SCN3A: variants seen among roughly 807,000 people sequenced by gnomAD.
The protein encoded by SCN3A is sodium channel protein type 3 subunit alpha.
In SCN3A, 60 loss-of-function variants were observed where a neutral mutation model predicts 187.6. That is an observed-to-expected ratio of 0.32 (90% CI 0.26 to 0.40). SCN3A has a LOEUF of 0.40. Among genes scored for constraint, SCN3A ranks in the 10% least tolerant of loss-of-function variants. SCN3A has a pLI of 1.00. For synonymous variants in SCN3A, 788 were observed against 829.2 expected (o/e 0.95, Z 0.85); for missense variants, 1,601 against 2,428.2 (o/e 0.66, Z 7.16).
chr2:165,195,158 C>T lies in SCN3A; in HGVS notation c.-247-8411G>A, dbSNP rs191077938. On this transcript the variant is annotated intron_variant, in intron 1 of 27. Transcript: ENST00000283254. ...TAGCAACCAAACTGCTGAAGACTGG[C>T]GTGGTCTGTCTGTCTTCACCCTCCA... The T allele has an allele frequency of 9.2e-5, 14 of 152,236 alleles. No individual in the cohort carries two copies. In the South Asian group the frequency reaches 2.1e-3, roughly 23 times the overall value. The allele number at this position is 152,236 out of a possible 1,614,324, so 9.4% of individuals were successfully genotyped here. A position where few individuals can be genotyped will look rare whatever the true frequency, so the allele number is the denominator to read the frequency against.
chr2:165,174,814 A>G (rs4145346), intron 3 of SCN3A, among the ~76,000 whole-genome samples: 36,789 of 152,100 alleles, frequency 0.24, 5,493 homozygotes, highest in East Asian at 0.52. Flanking sequence ...ACATGAATGT[A>G]TTAAATGTCA....
intron 4 of SCN3A, among the ~76,000 whole-genome samples, chr2:165,170,178 C>T (rs947678415): frequency 6.6e-6 from 1 of 151,880 alleles, no homozygotes; most frequent in Non-Finnish European, 1.5e-5. Context: ...GAGATTTGCT[C>T]TTTTTCCTAC....
At chr2:165,191,255 C>T (rs1297136887) in intron 1 of SCN3A, among the ~76,000 whole-genome samples, 1 of 152,006 alleles carries the variant, frequency 6.6e-6, no homozygotes, top group Non-Finnish European at 1.5e-5. Context: ...CCTGCAATTG[C>T]TTTCAGTCTC....
At chr2:165,100,839 A>G (rs1193436777) in intron 21 of SCN3A, among the ~76,000 whole-genome samples, 2 of 152,188 alleles carry the variant, frequency 1.3e-5, no homozygotes, top group South Asian at 2.1e-4. Flanking sequence ...AGCATTCACC[A>G]TGTAATAGCG....
chr2:165,170,432 A>G lies in SCN3A; in HGVS notation c.381T>C (p.His127=). 1 of 1,540,622 alleles carries G rather than the reference A, an allele frequency of 6.5e-7. No homozygotes were observed. The highest frequency in any genetic ancestry group is 9.0e-7 in the Non-Finnish European group (1 of 1,113,778). Residue 127 remains histidine, a splice_region_variant and synonymous_variant, in exon 4 of 28, where the codon CAT becomes CAC. Transcript: ENST00000283254. ...GGCAATTCACATTAAAAGGATATGAATGTACCAAAATCTTGATAGCAATTT... is the reference window on the plus strand; with the variant it reads ...GGCAATTCACATTAAAAGGATATGAGTGTACCAAAATCTTGATAGCAATTT... The part of the protein sequence containing the change: ...VRKIAIKILV[H]SLFSMLIMCT...
chr2:165,114,239 A>G (rs1008621992), intron 19 of SCN3A, among the ~76,000 whole-genome samples: 3 of 152,158 alleles, frequency 2.0e-5, no homozygotes, highest in African/African-American at 7.2e-5. Flanking sequence ...AGTCAGGATT[A>G]TTTTGCCTCA....
Position 165,200,843 on chromosome 2 carries a change from C to A in SCN3A, c.-248+2980G>T, listed in dbSNP as rs200545609. ...AGCACGAAGCTACACTTAGAAACAA[C>A]CTTTGGAGGAAAGCAGGGATTTTGC... is the stretch of plus-strand genomic sequence containing the variant. On this transcript the variant is annotated intron_variant, in intron 1 of 27. Coordinates refer to ENST00000283254, the MANE Select transcript of SCN3A (RefSeq NM_006922.4). Among the ~76,000 whole-genome samples, 569 of 152,176 alleles carry A rather than the reference C, an allele frequency of 3.7e-3. 2 individuals carry two copies. The highest frequency in any genetic ancestry group is 0.013 in the African/African-American group (542 of 41,536).
intron 1 of SCN3A, among the ~76,000 whole-genome samples, chr2:165,198,590 A>G (rs1559287792): frequency 6.6e-6 from 1 of 152,050 alleles, no homozygotes; most frequent in Admixed American, 6.6e-5. Flanking sequence ...CAGGGAAGTC[A>G]TTTGATGTAA....
intron 11 of SCN3A, among the ~76,000 whole-genome samples, chr2:165,150,664 A>G (rs1035552029): frequency 6.6e-6 from 1 of 152,162 alleles, no homozygotes; most frequent in African/African-American, 2.4e-5. Flanking sequence ...TTAAACTTCT[A>G]CTAGAAATAG....
chr2:165,154,542 C>T lies in SCN3A; in HGVS notation c.1290G>A (p.Gln430=). The T allele has an allele frequency of 6.2e-7, 1 of 1,614,130 alleles. No individual in the cohort carries two copies. Among genetic ancestry groups the T allele is most frequent in the Non-Finnish European group, 8.5e-7 (1 of 1,180,032 alleles). ...LAVVAMAYEE[Q]NQATLEEAEQ... ...CTGCTTCTTCCAAGGTGGCCTGATT[C>T]TGCTCCTCATAGGCCATGGCCACCA... Residue 430 remains glutamine (Q), a synonymous_variant, in exon 11 of 28, where the codon CAG becomes CAA. Transcript: ENST00000283254.
At position 165,182,145 on chromosome 2, in the gene SCN3A, G is replaced by C. The variant is rs1690917865; in HGVS notation, c.-51+4406C>G. 2.0e-5 allele frequency among the ~76,000 whole-genome samples: 3 copies of C among 152,286 alleles called. No homozygotes were observed. The South Asian group carries it at 6.2e-4, about 32-fold the overall frequency. ...TTGGTATTATTACGAAAGTAGTTTA[G>C]AGCTCAAAGCTCCCACACAAAGGGC... On this transcript the variant is annotated intron_variant, in intron 2 of 27. Coordinates refer to ENST00000283254, the MANE Select transcript of SCN3A (RefSeq NM_006922.4).
intron 12 of SCN3A, among the ~76,000 whole-genome samples, chr2:165,142,166 A>G (rs1688048286): frequency 6.6e-6 from 1 of 152,176 alleles, no homozygotes; most frequent in South Asian, 2.1e-4. Flanking sequence ...ATATACATAC[A>G]TACATATACA....
chr2:165,189,157 A>G (rs1422838592), intron 1 of SCN3A, among the ~76,000 whole-genome samples: 2 of 152,230 alleles, frequency 1.3e-5, no homozygotes, highest in African/African-American at 4.8e-5. Context: ...TAAAAGTTGT[A>G]TATAAAAAGC....
At position 165,151,816 on chromosome 2, in the gene SCN3A, C is replaced by T. The variant is rs546854714; in HGVS notation, c.1380+2636G>A. ...TTCACCAAGCATGTGTCTTAGAAAA[C>T]TACCTGAGGCTGAGGATAAGAGAGA... On this transcript the variant is annotated intron_variant, in intron 11 of 27. Transcript: ENST00000283254. 2.6e-5 allele frequency among the ~76,000 whole-genome samples: 4 copies of T among 152,262 alleles called. No homozygotes were observed. In the South Asian group the frequency reaches 6.2e-4, roughly 24 times the overall value.
chr2:165,191,852 C>T (rs559863759), intron 1 of SCN3A, among the ~76,000 whole-genome samples: 9 of 152,178 alleles, frequency 5.9e-5, no homozygotes, highest in African/African-American at 1.7e-4. Flanking sequence ...GAACAGTACA[C>T]GCACATAGTA....
chr2:165,090,852 G>A lies in SCN3A; in HGVS notation c.5301C>T (p.Ile1767=), dbSNP rs138863451. 73 of 1,614,026 alleles carry A rather than the reference G, an allele frequency of 4.5e-5. No homozygotes were observed. The South Asian group carries it at 5.7e-4, about 13-fold the overall frequency. Residue 1767 remains isoleucine, a synonymous_variant, in exon 28 of 28, where the codon ATC becomes ATT. Transcript: ENST00000283254. This position sits in a 1 kb window ranked among gnomAD's most constrained non-coding sequence, Gnocchi z 4.0. ...ISFLVVVNMY[I]AVILENFSVA... ...CACTGAAGTTCTCCAGGATGACCGCGATGTACATGTTCACCACAACCAGGA... is the reference window on the plus strand; with the variant it reads ...CACTGAAGTTCTCCAGGATGACCGCAATGTACATGTTCACCACAACCAGGA...
At position 165,162,549 on chromosome 2, in the gene SCN3A, T is replaced by G; in HGVS notation, c.967+7A>C. ...CACTAAGGTTAACATAATGTAATAC[T>G]TCTTACTGTCATCTCCAATGTAATC... On this transcript the variant is annotated splice_region_variant and intron_variant, in intron 8 of 27. Transcript: ENST00000283254. 6.2e-7 allele frequency: 1 copy of G among 1,614,046 alleles called. No individual in the cohort carries two copies. Among genetic ancestry groups the G allele is most frequent in the African/African-American group, 1.3e-5 (1 of 75,048 alleles).
Position 165,176,462 on chromosome 2 carries a change from T to C in SCN3A, c.-50-18A>G. The C allele has an allele frequency of 6.2e-7, 1 of 1,600,608 alleles. No individual in the cohort carries two copies. The highest frequency in any genetic ancestry group is 8.5e-7 in the Non-Finnish European group (1 of 1,170,486). Reference sequence around the variant, plus strand: ...CGAATTACCTGCAATAAAAGAAAAATTGCACAAGAGTTAGGAAAGCAAGCG... The same window carrying C: ...CGAATTACCTGCAATAAAAGAAAAACTGCACAAGAGTTAGGAAAGCAAGCG... On this transcript the variant is annotated intron_variant, in intron 2 of 27. Coordinates refer to ENST00000283254, the MANE Select transcript of SCN3A (RefSeq NM_006922.4).
rs1687069472 is a variant in SCN3A at position 165,127,631 on chromosome 2, C to T, written c.3393G>A (p.Glu1131=). The part of the protein sequence containing the change: ...SSESELEESK[E]KLNATSSSEG... ...ACAAAAAATTTAAAAGCATTCTTAC[C>T]TCTTTGCTTTCTTCTAGTTCTGACT... is the stretch of plus-strand genomic sequence containing the variant. The change falls in exon 18 of 28, where the codon GAG becomes GAA. Residue 1131 remains glutamate, a splice_region_variant and synonymous_variant. Coordinates refer to ENST00000283254, the MANE Select transcript of SCN3A (RefSeq NM_006922.4). 2.5e-6 allele frequency: 4 copies of T among 1,611,794 alleles called. No individual in the cohort carries two copies. The highest frequency in any genetic ancestry group is 1.1e-5 in the South Asian group (1 of 91,034).
Sources: allele counts gnomAD v4.1 joint callset (sites outside exome capture counted in the v4.1 genomes callset), GRCh38; gene constraint gnomAD v4.1.1; non-coding constraint Gnocchi (gnomAD v3.1); transcripts MANE v1.5; gene names NCBI Gene and HGNC (gene_info 2026-07-23, HGNC 2026-07-21).